OSBPL8: variants seen among roughly 807,000 people sequenced by gnomAD.
The protein encoded by OSBPL8 is oxysterol binding protein like 8, also known as oxysterol-binding protein-related protein 8.
A neutral mutation model predicts 125.5 loss-of-function variants in OSBPL8; 59 were observed. That is an observed-to-expected ratio of 0.47 (90% CI 0.38 to 0.58). The LOEUF is 0.58. Among genes scored for constraint, OSBPL8 ranks in the 20% least tolerant of loss-of-function variants. OSBPL8 has a pLI of 0.00. For synonymous variants in OSBPL8, 330 were observed against 338.9 expected (o/e 0.97, Z 0.29); for missense variants, 758 against 1,047.8 (o/e 0.72, Z 3.82).
intron 18 of OSBPL8, 65 bp from the exon 19 acceptor site, chr12:76,371,649 GTAATA>G: frequency 7.9e-7 from 1 of 1,264,002 alleles, no homozygotes; most frequent in East Asian, 2.8e-5. Flanking sequence ...ATATAGTATA[GTAATA>G]TGACGGTGAT....
rs569175221 is a variant in OSBPL8, at chr12:76,476,636, T to C, written c.42+10874A>G. ...GAAAATATACATAAGTTAAGCAAGA[T>C]GAAAGAATGAAACAGAAGTGCCACA... On this transcript the variant is annotated intron_variant, in intron 2 of 23. Coordinates refer to ENST00000261183, the MANE Select transcript of OSBPL8 (RefSeq NM_020841.5). Among the ~76,000 whole-genome samples the C allele has an allele frequency of 2.0e-5, 3 of 152,024 alleles. No individual in the cohort carries two copies. The South Asian group carries it at 6.2e-4, about 32-fold the overall frequency.
intron 19 of OSBPL8, 78 bp from the exon 20 acceptor site, chr12:76,369,900 C>A: frequency 1.5e-6 from 2 of 1,299,354 alleles, no homozygotes; most frequent in East Asian, 2.6e-5. Flanking sequence ...GCCTCAAATC[C>A]CTTGTAGAGA....
rs186731932 is a variant in OSBPL8, at chr12:76,465,693, C to G, written c.43-5798G>C. 7.4e-4 allele frequency among the ~76,000 whole-genome samples: 112 copies of G among 152,010 alleles called. 1 individual carries two copies. The East Asian group carries it at 0.02, about 28-fold the overall frequency. ...AAAATACCTTCACACAATGAAATAG[C>G]AAGCATGTAGTCATTAAAGTTTCTT... On this transcript the variant is annotated intron_variant, in intron 2 of 23. Transcript: ENST00000261183.
At chr12:76,492,261 C>A (rs1878798109) in intron 1 of OSBPL8, among the ~76,000 whole-genome samples, 1 of 152,100 alleles carries the variant, frequency 6.6e-6, no homozygotes, top group African/African-American at 2.4e-5. Flanking sequence ...GAAGAGTCTG[C>A]AGGTAAGAAG....
chr12:76,418,189 G>A (rs1165095961), intron 4 of OSBPL8, among the ~76,000 whole-genome samples: 1 of 151,790 alleles, frequency 6.6e-6, no homozygotes, highest in Non-Finnish European at 1.5e-5. Flanking sequence ...ATTTTTAGTA[G>A]AGATGGGGTT....
At chr12:76,491,169 G>A (rs1878673574) in intron 1 of OSBPL8, among the ~76,000 whole-genome samples, 2 of 152,116 alleles carry the variant, frequency 1.3e-5, no homozygotes, top group Non-Finnish European at 2.9e-5. Flanking sequence ...AGGGGTCAGG[G>A]AAATATCCTA....
chr12:76,455,165 C>T (rs538865339), intron 3 of OSBPL8, among the ~76,000 whole-genome samples: 32 of 151,968 alleles, frequency 2.1e-4, no homozygotes, highest in South Asian at 1.5e-3. Flanking sequence ...ATGGCGTGAA[C>T]CCGGGAGGCG....
rs1200680349 is a variant in OSBPL8 at position 76,353,788 on chromosome 12, GCT to G, written c.*2099_*2100del. ...ATAAAGAACAGTCATGAATAACTCT[GCT>G]CTTTCTTAAGAAATAGTTTTTGACT... On this transcript the variant is annotated 3_prime_UTR_variant, in exon 24 of 24. Coordinates refer to ENST00000261183, the MANE Select transcript of OSBPL8 (RefSeq NM_020841.5). 4 of 152,318 alleles carry G rather than the reference GCT, an allele frequency of 2.6e-5. No homozygotes were observed. Among genetic ancestry groups the G allele is most frequent in the Admixed American group, 6.6e-5 (1 of 15,246 alleles). The allele number at this position is 152,318 out of a possible 1,614,324, so 9.4% of individuals were successfully genotyped here.
intron 3 of OSBPL8, among the ~76,000 whole-genome samples, chr12:76,453,240 A>C (rs1458611667): frequency 6.6e-6 from 1 of 152,184 alleles, no homozygotes; most frequent in Non-Finnish European, 1.5e-5. Flanking sequence ...TACCATACTA[A>C]AGATGTTCAA....
intron 1 of OSBPL8, among the ~76,000 whole-genome samples, chr12:76,539,071 A>C (rs980002366): frequency 6.8e-6 from 1 of 146,172 alleles, no homozygotes; most frequent in Non-Finnish European, 1.5e-5. Flanking sequence ...GGGGGAGGGT[A>C]AGTATCCTGA....
intron 6 of OSBPL8, among the ~76,000 whole-genome samples, chr12:76,401,931 A>C (rs1954067008): frequency 6.6e-6 from 1 of 152,204 alleles, no homozygotes; most frequent in Non-Finnish European, 1.5e-5. Context: ...ATGGGAAAAG[A>C]GTGATGATAA....
intron 1 of OSBPL8, among the ~76,000 whole-genome samples, chr12:76,489,601 T>C (rs938213594): frequency 6.6e-6 from 1 of 152,258 alleles, no homozygotes; most frequent in African/African-American, 2.4e-5. Context: ...AAGCTCACTG[T>C]TGAGACTACT....
At chr12:76,554,283 A>G (rs139646230) in intron 1 of OSBPL8, among the ~76,000 whole-genome samples, 135 of 152,368 alleles carry the variant, frequency 8.9e-4, no homozygotes, top group African/African-American at 3.2e-3. Flanking sequence ...CTTATAAAGT[A>G]AAGTGCATTT....
Position 76,394,743 on chromosome 12 carries a change from T to G in OSBPL8, c.673-14A>C. On this transcript the variant is annotated splice_polypyrimidine_tract_variant and intron_variant, in intron 8 of 23. Coordinates refer to ENST00000261183, the MANE Select transcript of OSBPL8 (RefSeq NM_020841.5). ...ACCTTTTGGACCCTTAATAACAAAA[T>G]AAACAAAATAAATGGTATAGAGTAA... 6.3e-7 allele frequency: 1 copy of G among 1,575,074 alleles called. No individual in the cohort carries two copies. The highest frequency in any genetic ancestry group is 8.7e-7 in the Non-Finnish European group (1 of 1,149,934).
At chr12:76,391,474 C>T (rs1024637017) in intron 10 of OSBPL8, among the ~76,000 whole-genome samples, 3 of 151,778 alleles carry the variant, frequency 2.0e-5, no homozygotes, top group African/African-American at 2.4e-5. Flanking sequence ...AGCTCCAGAT[C>T]GTAGGTCTGC....
In OSBPL8 at chr12:76,392,639, G is replaced by T; in HGVS notation, c.871C>A (p.His291Asn). 11 of 1,614,020 alleles carry T rather than the reference G, an allele frequency of 6.8e-6. No homozygotes were observed. Among genetic ancestry groups the T allele is most frequent in the Non-Finnish European group, 9.3e-6 (11 of 1,179,914 alleles). Residue 291 changes from histidine to asparagine, a missense_variant, in exon 10 of 24, where the codon CAT becomes AAT. Physicochemically the swap from His to Asn is moderately conservative, Grantham distance 68 (BLOSUM62 1). Around this residue, in one of 3 missense-constraint regions of OSBPL8, gnomAD observed 572 missense variants for 762.0 expected, o/e 0.75. Coordinates refer to ENST00000261183, the MANE Select transcript of OSBPL8 (RefSeq NM_020841.5). ...HDLSVSSDST[H>N]VTFYGLLRAN... is the part of the protein sequence containing the mutation. ...CGTAGTAAGCCATAGAAAGTCACAT[G>T]TGTGCTATCTGATGAAACGCTCAGG...
rs1877436379 is a variant in OSBPL8 at position 76,481,203 on chromosome 12, A to G, written c.42+6307T>C. ...TCTGACTTCCAGAACTGCTAAGAGA[A>G]TAAATTTGTGTTGTTTTGAGCCTCT... On this transcript the variant is annotated intron_variant, in intron 2 of 23. Transcript: ENST00000261183. Among the ~76,000 whole-genome samples the G allele has an allele frequency of 1.3e-5, 2 of 152,224 alleles. 1 individual carries two copies. Among genetic ancestry groups the G allele is most frequent in the South Asian group, 4.1e-4 (2 of 4,832 alleles).
chr12:76,455,572 G>A (rs968371501), intron 3 of OSBPL8, among the ~76,000 whole-genome samples: 1 of 152,074 alleles, frequency 6.6e-6, no homozygotes, highest in Admixed American at 6.6e-5. Context: ...GATTTTGATA[G>A]CCGTGAAGTA....
At chr12:76,533,249 A>G (rs1359135803) in intron 1 of OSBPL8, among the ~76,000 whole-genome samples, 2 of 152,150 alleles carry the variant, frequency 1.3e-5, no homozygotes, top group Non-Finnish European at 2.9e-5. Flanking sequence ...TCCTATAACC[A>G]TATGCAAGAA....
Sources: gnomAD v4.1 joint callset for allele counts (sites outside exome capture counted in the v4.1 genomes callset) on GRCh38, gnomAD v4.1.1 for gene constraint, gnomAD v4.1.1 regional missense constraint, MANE v1.5 for transcripts, NCBI Gene and HGNC (gene_info 2026-07-23, HGNC 2026-07-21) for gene names.